Variants in STS observed in about 807,000 individuals in gnomAD.
STS encodes the protein steroid sulfatase.
Under a neutral mutation model 26.8 loss-of-function variants are expected in STS, and 7 were observed. That is an observed-to-expected ratio of 0.26 (90% CI 0.15 to 0.49). STS has a LOEUF of 0.49. STS is among the 20% of genes least tolerant of loss of function. The pLI is 0.98. For synonymous variants in STS, 199 were observed against 189.4 expected (o/e 1.05, Z -0.42); for missense variants, 434 against 465.6 (o/e 0.93, Z 0.63).
intron 8 of STS, among the ~76,000 whole-genome samples, chrX:7,324,280 G>A (rs57618114): frequency 9.0e-6 from 1 of 110,659 alleles, no homozygotes; most frequent in South Asian, 3.9e-4. Context: ...GGAGTGTCTG[G>A]GTTAAAATAA....
intron 10 of STS, among the ~76,000 whole-genome samples, chrX:7,342,246 T>A (rs986245211): frequency 9.9e-5 from 11 of 111,486 alleles, no homozygotes; most frequent in Non-Finnish European, 2.1e-4. Context: ...AAGTGTTGAC[T>A]GAGTGATGAA....
intron 1 of STS, among the ~76,000 whole-genome samples, chrX:7,182,586 A>G (rs1444884180): frequency 1.8e-5 from 2 of 110,941 alleles, no homozygotes; most frequent in African/African-American, 6.6e-5. Flanking sequence ...GAACAACAGT[A>G]AGTGCGCATG....
intron 2 of STS, among the ~76,000 whole-genome samples, chrX:7,234,197 A>G (rs1438484655): frequency 3.6e-5 from 4 of 112,333 alleles, no homozygotes; most frequent in African/African-American, 1.3e-4. Flanking sequence ...GAAAATGCAA[A>G]TATACAAAAC....
chrX:7,286,620 A>G (rs1266383167), intron 7 of STS, among the ~76,000 whole-genome samples: 1 of 111,543 alleles, frequency 9.0e-6, no homozygotes, highest in African/African-American at 3.3e-5. Context: ...CTTCAGGAAA[A>G]CATCTAGGAG....
At chrX:7,276,424 T>C (rs1217559315) in intron 7 of STS, among the ~76,000 whole-genome samples, 3 of 110,510 alleles carry the variant, frequency 2.7e-5, no homozygotes, top group Non-Finnish European at 5.7e-5. Context: ...TGAGCTATGA[T>C]TGCACCACTG....
intron 2 of STS, among the ~76,000 whole-genome samples, chrX:7,204,928 G>C (rs892759013): frequency 9.4e-6 from 1 of 105,871 alleles, no homozygotes; most frequent in African/African-American, 3.5e-5. Flanking sequence ...TCCCTAATCA[G>C]TTACTTATGA....
chrX:7,320,064 T>TATATATA (rs1569224524), intron 8 of STS, among the ~76,000 whole-genome samples: 6 of 92,928 alleles, frequency 6.5e-5, no homozygotes, highest in African/African-American at 2.5e-4. Flanking sequence ...TATATATATA[T>TATATATA]TTTATATATA....
At chrX:7,193,886 G>A (rs1320695543) in intron 2 of STS, among the ~76,000 whole-genome samples, 1 of 111,190 alleles carries the variant, frequency 9.0e-6, no homozygotes, top group Non-Finnish European at 1.9e-5. Flanking sequence ...CAAGGAAAAG[G>A]TTTAGTAATA....
At chrX:7,261,938 GT>G (rs1453618033) in intron 6 of STS, among the ~76,000 whole-genome samples, 2 of 111,850 alleles carry the variant, frequency 1.8e-5, no homozygotes, top group East Asian at 2.8e-4. Context: ...CCGCCTCTCA[GT>G]TTTGACAGAT....
chrX:7,178,947 G>C (rs752649500), intron 1 of STS, among the ~76,000 whole-genome samples: 3 of 104,591 alleles, frequency 2.9e-5, no homozygotes, highest in Non-Finnish European at 5.8e-5. Flanking sequence ...CCTCATGAAA[G>C]TGATAATGGG....
At chrX:7,189,587 A>G (rs1045753384) in intron 1 of STS, among the ~76,000 whole-genome samples, 3 of 111,852 alleles carry the variant, frequency 2.7e-5, no homozygotes, top group Non-Finnish European at 5.6e-5. Flanking sequence ...TCAACCATTT[A>G]AACATGTAAA....
At chrX:7,209,108 C>T (rs1310946048) in intron 2 of STS, among the ~76,000 whole-genome samples, 2 of 111,478 alleles carry the variant, frequency 1.8e-5, no homozygotes, top group Non-Finnish European at 3.8e-5. Context: ...TGCCAGGGAT[C>T]AGGCTGTGGG....
intron 7 of STS, among the ~76,000 whole-genome samples, chrX:7,283,330 T>C (rs1924966567): frequency 9.0e-6 from 1 of 111,459 alleles, no homozygotes; most frequent in Non-Finnish European, 1.9e-5. Flanking sequence ...CAGAGAAGTG[T>C]GATCAGGGAA....
intron 1 of STS, among the ~76,000 whole-genome samples, chrX:7,185,012 G>A (rs747873625): frequency 2.0e-4 from 22 of 112,124 alleles, no homozygotes; most frequent in Non-Finnish European, 7.5e-5. Context: ...TTTGAGAAGA[G>A]GTTGCATCAG....
chrX:7,289,728 G>A (rs778009363), intron 7 of STS, among the ~76,000 whole-genome samples: 1 of 111,168 alleles, frequency 9.0e-6, no homozygotes, highest in Non-Finnish European at 1.9e-5. Flanking sequence ...GCGTGATCTC[G>A]GCTCACTGCA....
At chrX:7,301,578 T>C (rs1925968328) in intron 7 of STS, among the ~76,000 whole-genome samples, 1 of 111,558 alleles carries the variant, frequency 9.0e-6, no homozygotes. Flanking sequence ...CTGAAGTCCA[T>C]AGTTTCCATT....
intron 1 of STS, among the ~76,000 whole-genome samples, chrX:7,169,593 AC>A (rs1323323974): frequency 8.9e-6 from 1 of 112,019 alleles, no homozygotes; most frequent in East Asian, 2.8e-4. Context: ...TTTTTAAGGA[AC>A]CACCATACTG....
At chrX:7,340,026 A>C (rs1928207600) in intron 10 of STS, among the ~76,000 whole-genome samples, 1 of 109,454 alleles carries the variant, frequency 9.1e-6, no homozygotes, top group Non-Finnish European at 1.9e-5. Flanking sequence ...GAAACAAAGT[A>C]AATCAAAATT....
intron 10 of STS, among the ~76,000 whole-genome samples, chrX:7,348,646 A>T (rs1310170288): frequency 9.0e-6 from 1 of 111,379 alleles, no homozygotes; most frequent in African/African-American, 3.3e-5. Flanking sequence ...ATAATTATTC[A>T]TTTGTTTGTG....
Sources: gnomAD v4.1 joint callset for allele counts (sites outside exome capture counted in the v4.1 genomes callset) on GRCh38, gnomAD v4.1.1 for gene constraint, MANE v1.5 for transcripts, NCBI Gene and HGNC (gene_info 2026-07-23, HGNC 2026-07-21) for gene names.